The following PCCA variants were observed in gnomAD, a reference collection of about 807,000 sequenced individuals.
The protein encoded by PCCA is propionyl-CoA carboxylase alpha chain, mitochondrial.
A neutral mutation model predicts 101.3 loss-of-function variants in PCCA; 74 were observed. The ratio of observed to expected loss-of-function variants is 0.73; its 90% confidence interval spans 0.61 to 0.89. PCCA has a LOEUF of 0.89. Among genes scored for constraint, PCCA ranks in the 40% least tolerant of loss-of-function variants. PCCA has a pLI of 0.00. For missense variants in PCCA, 891 were observed against 907.0 expected (o/e 0.98, Z 0.23); for synonymous variants, 294 against 313.6 (o/e 0.94, Z 0.66).
At position 100,518,507 on chromosome 13, in the gene PCCA, A is replaced by G. The variant is rs555081381; in HGVS notation, c.2040+2940A>G. On this transcript the variant is annotated intron_variant, in intron 22 of 23. Coordinates refer to ENST00000376285, the MANE Select transcript of PCCA (RefSeq NM_000282.4). The stretch of plus-strand genomic sequence containing the variant: ...GGGCTTCTGTAGGGTTCACACAGCA[A>G]AAGTTCCTAATAACTTTTTCAGTGT... Among the ~76,000 whole-genome samples the G allele has an allele frequency of 5.1e-4, 77 of 152,356 alleles. 2 individuals carry two copies. The South Asian group carries it at 0.015, about 30-fold the overall frequency.
chr13:100,160,217 T>A (rs1345863808), intron 6 of PCCA, among the ~76,000 whole-genome samples: 2 of 152,214 alleles, frequency 1.3e-5, no homozygotes, highest in Admixed American at 1.3e-4. Flanking sequence ...AAAAAGATCA[T>A]GTGGGCCGGG....
intron 19 of PCCA, among the ~76,000 whole-genome samples, chr13:100,420,712 G>C (rs1177341684): frequency 6.6e-6 from 1 of 152,202 alleles, no homozygotes; most frequent in African/African-American, 2.4e-5. Context: ...GAGATTATCT[G>C]AAACACATTG....
intron 6 of PCCA, among the ~76,000 whole-genome samples, chr13:100,175,748 T>C (rs2056177595): frequency 6.6e-6 from 1 of 152,210 alleles, no homozygotes; most frequent in Admixed American, 6.5e-5. Flanking sequence ...CAGTTGGTTC[T>C]GAAGCTTCCA....
At chr13:100,521,337 C>A (rs2087271958) in intron 22 of PCCA, among the ~76,000 whole-genome samples, 1 of 152,204 alleles carries the variant, frequency 6.6e-6, no homozygotes, top group Admixed American at 6.5e-5. Flanking sequence ...GGCAGCGGGG[C>A]TGGACGGGTG....
intron 11 of PCCA, among the ~76,000 whole-genome samples, chr13:100,271,666 G>C (rs1043009951): frequency 1.3e-5 from 2 of 152,150 alleles, no homozygotes; most frequent in African/African-American, 4.8e-5. Context: ...GCTGTATAAA[G>C]ATATTTATGA....
intron 17 of PCCA, among the ~76,000 whole-genome samples, chr13:100,338,586 T>C (rs1044245390): frequency 6.6e-6 from 1 of 151,764 alleles, no homozygotes; most frequent in Non-Finnish European, 1.5e-5. Flanking sequence ...TTTGTAATAC[T>C]TCTTATATAG....
In PCCA at chr13:100,271,267, A is replaced by G. The variant is rs528845342; in HGVS notation, c.915-1929A>G. On this transcript the variant is annotated intron_variant, in intron 11 of 23. Coordinates refer to ENST00000376285, the MANE Select transcript of PCCA (RefSeq NM_000282.4). ...TATTGTTGAAATGTCATCTATGTCT[A>G]TACATTAGGTTAATGCAAACTATAT... Among the ~76,000 whole-genome samples the G allele has an allele frequency of 9.3e-4, 142 of 152,246 alleles. 1 individual carries two copies. The highest frequency in any genetic ancestry group is 3.3e-3 in the African/African-American group (137 of 41,536).
intron 19 of PCCA, among the ~76,000 whole-genome samples, chr13:100,378,152 G>C (rs555353468): frequency 6.6e-6 from 1 of 152,284 alleles, no homozygotes; most frequent in East Asian, 1.9e-4. Context: ...GCGTTTGCTT[G>C]TCTGGGAAAG....
intron 19 of PCCA, among the ~76,000 whole-genome samples, chr13:100,388,687 T>C (rs139123249): frequency 0.011 from 1,613 of 152,152 alleles, 33 homozygotes; most frequent in African/African-American, 0.036. Context: ...TCCCAGCTAC[T>C]TGGGAGGCTG....
At chr13:100,184,598 A>G (rs1470393938) in intron 6 of PCCA, among the ~76,000 whole-genome samples, 1 of 152,192 alleles carries the variant, frequency 6.6e-6, no homozygotes, top group African/African-American at 2.4e-5. Context: ...TTTGTGGGCC[A>G]TACTGTCACA....
At chr13:100,489,204 A>T (rs1240554585) in intron 21 of PCCA, among the ~76,000 whole-genome samples, 3 of 152,132 alleles carry the variant, frequency 2.0e-5, no homozygotes, top group Non-Finnish European at 4.4e-5. Flanking sequence ...GCTACTCGGG[A>T]GGCTGAGGCA....
intron 19 of PCCA, among the ~76,000 whole-genome samples, chr13:100,421,501 A>G (rs1349343985): frequency 6.6e-6 from 1 of 152,172 alleles, no homozygotes; most frequent in Non-Finnish European, 1.5e-5. Flanking sequence ...AAGTTTTTAC[A>G]TTCTACAGAA....
At chr13:100,251,794 G>A (rs1344337617) in intron 8 of PCCA, among the ~76,000 whole-genome samples, 9 of 152,124 alleles carry the variant, frequency 5.9e-5, no homozygotes, top group Non-Finnish European at 1.5e-5. Context: ...GGAAGAACTC[G>A]AGGATACAAT....
rs575388225 is a variant in PCCA, at chr13:100,283,585, C to A, written c.1065+10239C>A. Among the ~76,000 whole-genome samples, 7 of 152,272 alleles carry A rather than the reference C, an allele frequency of 4.6e-5. No individual in the cohort carries two copies. The East Asian group carries it at 1.4e-3, about 29-fold the overall frequency. ...TTATTACCCAGTCAGCCACAGATATCAGGAGAAAGCTCGAAAAGCAATCCA... is the reference window on the plus strand; with the variant it reads ...TTATTACCCAGTCAGCCACAGATATAAGGAGAAAGCTCGAAAAGCAATCCA... On this transcript the variant is annotated intron_variant, in intron 12 of 23. Transcript: ENST00000376285.
intron 7 of PCCA, among the ~76,000 whole-genome samples, chr13:100,220,072 G>A (rs900629552): frequency 1.3e-5 from 2 of 152,054 alleles, no homozygotes; most frequent in African/African-American, 4.8e-5. Context: ...GGAAGGAGCT[G>A]GGGTCACAAC....
intron 19 of PCCA, among the ~76,000 whole-genome samples, chr13:100,415,472 C>A (rs1477554436): frequency 6.6e-6 from 1 of 152,100 alleles, no homozygotes; most frequent in East Asian, 1.9e-4. Context: ...ACAGTCACTT[C>A]TAAGATATAC....
chr13:100,466,179 T>C (rs2082503592), intron 21 of PCCA: 1 of 152,276 alleles, frequency 6.6e-6, no homozygotes. Flanking sequence ...TCTTCAGTTT[T>C]GTAAAAGCCC....
intron 21 of PCCA, among the ~76,000 whole-genome samples, chr13:100,485,418 A>G (rs539136293): frequency 1.8e-3 from 270 of 152,384 alleles, no homozygotes; most frequent in South Asian, 3.1e-3. Context: ...CGCAGATAGC[A>G]CAACCATATT....
intron 2 of PCCA, among the ~76,000 whole-genome samples, chr13:100,107,245 G>C (rs559771935): frequency 6.6e-6 from 1 of 152,148 alleles, no homozygotes; most frequent in African/African-American, 2.4e-5. Context: ...TTTTTAACTT[G>C]AGTTTTAACA....
Sources: gnomAD v4.1 joint callset for allele counts (sites outside exome capture counted in the v4.1 genomes callset) on GRCh38, gnomAD v4.1.1 for gene constraint, MANE v1.5 for transcripts, NCBI Gene and HGNC (gene_info 2026-07-23, HGNC 2026-07-21) for gene names.